Variants in BMERB1 observed in about 807,000 individuals in gnomAD.
The protein encoded by BMERB1 is bMERB domain containing 1, also known as bMERB domain-containing protein 1.
Under a neutral mutation model 23.6 loss-of-function variants are expected in BMERB1, and 12 were observed. The ratio of observed to expected loss-of-function variants is 0.51; its 90% confidence interval spans 0.33 to 0.82. The LOEUF (loss-of-function observed/expected upper bound fraction) is 0.82, where lower values mean the gene tolerates loss of function less well. BMERB1 is among the 40% of genes least tolerant of loss of function. BMERB1 has a pLI of 0.03. For synonymous variants in BMERB1, 122 were observed against 96.6 expected (o/e 1.26, Z -1.54); for missense variants, 247 against 255.4 (o/e 0.97, Z 0.22).
At chr16:15,554,908 C>T (rs2030209596) in intron 2 of BMERB1, among the ~76,000 whole-genome samples, 1 of 151,972 alleles carries the variant, frequency 6.6e-6, no homozygotes, top group Non-Finnish European at 1.5e-5. Flanking sequence ...CCTTGTGATC[C>T]GCCCGCCTCG....
intron 2 of BMERB1, among the ~76,000 whole-genome samples, chr16:15,542,665 CAGATG>C (rs1386083546): frequency 4.9e-5 from 6 of 121,704 alleles, no homozygotes; most frequent in East Asian, 2.3e-4. Flanking sequence ...TGGTCAGGAG[CAGATG>C]AGATAAGATA....
In BMERB1 at chr16:15,437,395, A is replaced by G. The variant is rs1598438288; in HGVS notation, c.106+2636A>G. ...GTGTATACTAAATAAGATGATACAT[A>G]TAGTACTCAAGGTTAAGTGCTCAAT... On this transcript the variant is annotated intron_variant, in intron 1 of 5. Transcript: ENST00000300006. 2.6e-5 allele frequency among the ~76,000 whole-genome samples: 4 copies of G among 152,358 alleles called. No individual in the cohort carries two copies. The East Asian group carries it at 7.7e-4, about 29-fold the overall frequency.
intron 2 of BMERB1, among the ~76,000 whole-genome samples, chr16:15,555,824 A>G (rs1289455388): frequency 6.6e-6 from 1 of 152,180 alleles, no homozygotes; most frequent in African/African-American, 2.4e-5. Flanking sequence ...CATGAATCCT[A>G]CGAAAGCTGA....
chr16:15,518,046 G>T (rs2051795060), intron 2 of BMERB1, among the ~76,000 whole-genome samples: 1 of 151,956 alleles, frequency 6.6e-6, no homozygotes, highest in South Asian at 2.1e-4. Flanking sequence ...TGTGGGTATG[G>T]ATGTATGGAT....
intron 1 of BMERB1, among the ~76,000 whole-genome samples, chr16:15,466,328 T>C (rs1005925623): frequency 2.0e-5 from 3 of 152,198 alleles, no homozygotes; most frequent in African/African-American, 7.2e-5. Flanking sequence ...TGTGTTTTCC[T>C]GATTTCCAAT....
intron 1 of BMERB1, among the ~76,000 whole-genome samples, chr16:15,505,439 T>C (rs1169180908): frequency 6.6e-6 from 1 of 152,254 alleles, no homozygotes; most frequent in East Asian, 1.9e-4. Flanking sequence ...AGCTTCATTC[T>C]GAACCTTAAG....
intron 1 of BMERB1, among the ~76,000 whole-genome samples, chr16:15,492,001 G>A (rs1049952993): frequency 2.6e-5 from 4 of 152,164 alleles, no homozygotes; most frequent in African/African-American, 9.7e-5. Context: ...ATTGCCTGGT[G>A]TGTGGCGGGC....
chr16:15,516,313 A>G (rs2051754119), intron 2 of BMERB1, among the ~76,000 whole-genome samples: 1 of 152,090 alleles, frequency 6.6e-6, no homozygotes, highest in Non-Finnish European at 1.5e-5. Context: ...CCAGCTACTC[A>G]GGAGGATGAG....
intron 1 of BMERB1, among the ~76,000 whole-genome samples, chr16:15,493,327 C>T (rs1458022801): frequency 6.6e-6 from 1 of 152,136 alleles, no homozygotes; most frequent in African/African-American, 2.4e-5. Context: ...ACCTGAGAAA[C>T]TGTCACAGTG....
intron 2 of BMERB1, among the ~76,000 whole-genome samples, chr16:15,528,995 T>C (rs2051939307): frequency 6.6e-6 from 1 of 151,942 alleles, no homozygotes; most frequent in African/African-American, 2.4e-5. Flanking sequence ...CTTTCCAGCC[T>C]CTTTTACCAT....
At chr16:15,547,052 G>A (rs1022562461) in intron 2 of BMERB1, among the ~76,000 whole-genome samples, 6 of 142,764 alleles carry the variant, frequency 4.2e-5, no homozygotes, top group African/African-American at 1.3e-4. Flanking sequence ...TCGCTCTGTC[G>A]CCCAGGCTGG....
At chr16:15,584,815 AG>A (rs926110052) in intron 5 of BMERB1, among the ~76,000 whole-genome samples, 1 of 152,152 alleles carries the variant, frequency 6.6e-6, no homozygotes, top group Non-Finnish European at 1.5e-5. Flanking sequence ...GCAATACCAC[AG>A]GTTCTTTTCC....
chr16:15,553,493 C>T (rs185498280), intron 2 of BMERB1, among the ~76,000 whole-genome samples: 1 of 152,342 alleles, frequency 6.6e-6, no homozygotes, highest in Admixed American at 6.5e-5. Flanking sequence ...TTAGGCTCTA[C>T]AGAGTGTACA....
intron 3 of BMERB1, among the ~76,000 whole-genome samples, chr16:15,570,939 A>G (rs2030709428): frequency 6.6e-6 from 1 of 152,026 alleles, no homozygotes; most frequent in African/African-American, 2.4e-5. Context: ...TAATTAGCAT[A>G]TAATGAGTAG....
intron 1 of BMERB1, among the ~76,000 whole-genome samples, chr16:15,463,363 G>T (rs2051153003): frequency 6.6e-6 from 1 of 152,044 alleles, no homozygotes; most frequent in Non-Finnish European, 1.5e-5. Context: ...CAAAGCCCTG[G>T]GATTGCAGGC....
At chr16:15,468,964 A>C (rs1598455752) in intron 1 of BMERB1, among the ~76,000 whole-genome samples, 2 of 135,706 alleles carry the variant, frequency 1.5e-5, no homozygotes, top group Non-Finnish European at 3.1e-5. Flanking sequence ...TCATCTTCAC[A>C]CTTTTTTTTT....
rs552676831 is a variant in BMERB1, at chr16:15,436,850, C to T, written c.106+2091C>T. On this transcript the variant is annotated intron_variant, in intron 1 of 5. Transcript: ENST00000300006. The stretch of plus-strand genomic sequence containing the variant: ...TAAATGCATCATTTCATTTAGTCCC[C>T]TCAACAACCTCCTGCAGTACTAAGA... Among the ~76,000 whole-genome samples, 16 of 151,902 alleles carry T rather than the reference C, an allele frequency of 1.1e-4. No individual in the cohort carries two copies. In the East Asian group the frequency reaches 1.7e-3, roughly 17 times the overall value.
At chr16:15,499,138 C>T (rs751724881) in intron 1 of BMERB1, among the ~76,000 whole-genome samples, 23 of 152,362 alleles carry the variant, frequency 1.5e-4, no homozygotes, top group Middle Eastern at 6.8e-3. Flanking sequence ...TTCTCCTCTA[C>T]TCCTCAATCT....
At chr16:15,566,401 G>A (rs1311987768) in intron 2 of BMERB1, among the ~76,000 whole-genome samples, 1 of 152,150 alleles carries the variant, frequency 6.6e-6, no homozygotes, top group Non-Finnish European at 1.5e-5. Context: ...ACTAGACCCA[G>A]CAATTGCATT....
Sources: allele counts gnomAD v4.1 joint callset (sites outside exome capture counted in the v4.1 genomes callset), GRCh38; gene constraint gnomAD v4.1.1; transcripts MANE v1.5; gene names NCBI Gene and HGNC (gene_info 2026-07-23, HGNC 2026-07-21).